THSD7A: variants seen among roughly 807,000 people sequenced by gnomAD.
The protein encoded by THSD7A is thrombospondin type-1 domain-containing protein 7A.
Under a neutral mutation model 231.3 loss-of-function variants are expected in THSD7A, and 96 were observed. That is an observed-to-expected ratio of 0.41 (90% CI 0.35 to 0.49). THSD7A has a LOEUF of 0.49. Ranked by LOEUF, THSD7A falls within the 20% of genes least tolerant of loss-of-function variation. The probability of loss-of-function intolerance (pLI) is 0.05; values close to 1 mark genes in which losing one functional copy is unlikely to be tolerated. For synonymous variants in THSD7A, 940 were observed against 743.3 expected (o/e 1.26, Z -4.30); for missense variants, 2,290 against 2,070.2 (o/e 1.11, Z -2.06).
intron 6 of THSD7A, among the ~76,000 whole-genome samples, chr7:11,507,049 A>G (rs1787575087): frequency 6.6e-6 from 1 of 152,194 alleles, no homozygotes; most frequent in Non-Finnish European, 1.5e-5. Flanking sequence ...AGTTCCTGAC[A>G]CACAGAACAT....
chr7:11,733,276 G>A (rs747548033), intron 1 of THSD7A, among the ~76,000 whole-genome samples: 10 of 151,668 alleles, frequency 6.6e-5, no homozygotes, highest in East Asian at 1.9e-4. Flanking sequence ...GTCAGTAACA[G>A]CCCTGTTGTT....
At chr7:11,650,276 A>T (rs1287354920) in intron 1 of THSD7A, among the ~76,000 whole-genome samples, 8 of 152,056 alleles carry the variant, frequency 5.3e-5, no homozygotes, top group Admixed American at 5.2e-4. Flanking sequence ...TTGGTTGAAC[A>T]GGAATATAAT....
At chr7:11,496,100 T>C (rs1454246386) in intron 6 of THSD7A, among the ~76,000 whole-genome samples, 1 of 152,196 alleles carries the variant, frequency 6.6e-6, no homozygotes, top group Non-Finnish European at 1.5e-5. Flanking sequence ...CTGAAAGTCA[T>C]GAACATAAAA....
intron 13 of THSD7A, among the ~76,000 whole-genome samples, chr7:11,439,958 G>A (rs1784752260): frequency 6.6e-6 from 1 of 151,942 alleles, no homozygotes; most frequent in Admixed American, 6.6e-5. Flanking sequence ...CAACATCTGG[G>A]ACTTTCATAG....
At chr7:11,721,296 G>A (rs758300326) in intron 1 of THSD7A, among the ~76,000 whole-genome samples, 3 of 151,756 alleles carry the variant, frequency 2.0e-5, no homozygotes, top group Non-Finnish European at 2.9e-5. Flanking sequence ...GGTGGCTGGT[G>A]GAAGGTGATT....
At chr7:11,818,996 A>G (rs1409214906) in intron 1 of THSD7A, among the ~76,000 whole-genome samples, 7 of 152,176 alleles carry the variant, frequency 4.6e-5, no homozygotes. Context: ...AGAGTTGGCT[A>G]CCTACTCTTG....
rs199635710 is a variant in THSD7A at position 11,447,274 on chromosome 7, T to C, written c.2756A>G (p.Asn919Ser). ...GGTCCTAACTGCACCACAGTCTCCA[T>C]TGCATGAAGAAAACTTGGACCAGCT... Reference protein sequence around the residue: ...LTSWSKFSSCNGDCGAVRTRK... With the variant: ...LTSWSKFSSCSGDCGAVRTRK... The change falls in exon 12 of 28, where the codon AAT becomes AGT. Residue 919 changes from asparagine (N) to serine (S), a missense_variant. Coordinates refer to ENST00000423059, the MANE Select transcript of THSD7A (RefSeq NM_015204.3). 39 of 1,612,940 alleles carry C rather than the reference T, an allele frequency of 2.4e-5. No individual in the cohort carries two copies. The highest frequency in any genetic ancestry group is 2.2e-4 in the Admixed American group (13 of 59,834).
At chr7:11,555,495 T>G (rs944108913) in intron 4 of THSD7A, among the ~76,000 whole-genome samples, 6 of 151,908 alleles carry the variant, frequency 3.9e-5, no homozygotes, top group African/African-American at 1.4e-4. Flanking sequence ...ACATGGTCTA[T>G]TTTGGTATAT....
rs1491585856 is a variant in THSD7A at position 11,512,943 on chromosome 7, A to ATATATATATATATATG, written c.1822+28475_1822+28476insCATATATATATATATA. On this transcript the variant is annotated intron_variant, in intron 6 of 27. Coordinates refer to ENST00000423059, the MANE Select transcript of THSD7A (RefSeq NM_015204.3). ...AAAGTATAATAAAAAAGAAACTATG[A>ATATATATATATATATG]TATATATATATATATATGTAAAATA... is the stretch of plus-strand genomic sequence containing the variant. 8.6e-4 allele frequency among the ~76,000 whole-genome samples: 40 copies of ATATATATATATATATG among 46,752 alleles called. No homozygotes were observed. In the South Asian group the frequency reaches 0.024, roughly 28 times the overall value. The allele number at this position is 46,752 out of a possible 152,430, so 30.7% of individuals were successfully genotyped here.
chr7:11,820,481 C>A (rs1477057725), intron 1 of THSD7A: 2 of 1,057,200 alleles, frequency 1.9e-6, no homozygotes, highest in Non-Finnish European at 1.3e-6. Context: ...GGTCATCATG[C>A]AAGTAATACT....
chr7:11,670,806 T>C (rs929601186), intron 1 of THSD7A, among the ~76,000 whole-genome samples: 2 of 152,096 alleles, frequency 1.3e-5, no homozygotes, highest in East Asian at 3.9e-4. Flanking sequence ...ATTAATCTAA[T>C]AAAAAAACAG....
intron 6 of THSD7A, among the ~76,000 whole-genome samples, chr7:11,534,344 T>C (rs739758): frequency 0.083 from 12,585 of 152,204 alleles, 804 homozygotes; most frequent in East Asian, 0.18. Flanking sequence ...CGAAGTGATA[T>C]TGTGTGAGTT....
At chr7:11,551,408 T>A (rs968884342) in intron 4 of THSD7A, among the ~76,000 whole-genome samples, 3 of 152,050 alleles carry the variant, frequency 2.0e-5, no homozygotes, top group African/African-American at 4.8e-5. Flanking sequence ...AGTAAACAGA[T>A]AACTTACAAA....
rs1176567010 is a variant in THSD7A, at chr7:11,416,863, GA to G, written c.3537+586del. Among the ~76,000 whole-genome samples, 4 of 152,240 alleles carry G rather than the reference GA, an allele frequency of 2.6e-5. No individual in the cohort carries two copies. In the East Asian group the frequency reaches 7.7e-4, roughly 29 times the overall value. On this transcript the variant is annotated intron_variant, in intron 17 of 27. Coordinates refer to ENST00000423059, the MANE Select transcript of THSD7A (RefSeq NM_015204.3). Reference sequence around the variant, plus strand: ...GAAATATAGAAGCTTTGTGTGATTTGAAACTCTCAGCTGGCTTTCCAGGCCC... The same window carrying G: ...GAAATATAGAAGCTTTGTGTGATTTGAACTCTCAGCTGGCTTTCCAGGCCC...
chr7:11,512,942 G>GATATATATATATATATATATATATAT (rs59121982), intron 6 of THSD7A, among the ~76,000 whole-genome samples: 1,460 of 101,392 alleles, frequency 0.014, 88 homozygotes, highest in African/African-American at 0.017. Flanking sequence ...AAGAAACTAT[G>GATATATATATATATATATATATATAT]ATATATATAT....
At chr7:11,497,502 C>G (rs1204845913) in intron 6 of THSD7A, among the ~76,000 whole-genome samples, 1 of 152,124 alleles carries the variant, frequency 6.6e-6, no homozygotes, top group Non-Finnish European at 1.5e-5. Context: ...TCAAACAAAG[C>G]CAATTACCAA....
Position 11,379,446 on chromosome 7 carries a change from A to G in THSD7A, c.4591-166T>C, listed in dbSNP as rs765885870. On this transcript the variant is annotated intron_variant, in intron 25 of 27. Coordinates refer to ENST00000423059, the MANE Select transcript of THSD7A (RefSeq NM_015204.3). ...AGAAACATACTTTTGGCATTATATG[A>G]AAATGTATTCTAAAGGTGAAAGCAA... The G allele has an allele frequency of 3.2e-4, 281 of 869,894 alleles. 2 individuals are homozygous for G. Among genetic ancestry groups the G allele is most frequent in the Middle Eastern group, 2.9e-3 (12 of 4,068 alleles). 53.9% of individuals were successfully genotyped at this position (869,894 alleles called of 1,614,324 possible). A position where few individuals can be genotyped will look rare whatever the true frequency, so the allele number is the denominator to read the frequency against.
chr7:11,643,611 A>ACT (rs1166316903), intron 1 of THSD7A, among the ~76,000 whole-genome samples: 2 of 151,530 alleles, frequency 1.3e-5, no homozygotes, highest in African/African-American at 2.4e-5. Flanking sequence ...GCGCACACAC[A>ACT]CACACACACA....
rs747830396 is a variant in THSD7A at position 11,637,139 on chromosome 7, G to A, written c.191-178C>T. 4.6e-5 allele frequency among the ~76,000 whole-genome samples: 7 copies of A among 152,138 alleles called. No homozygotes were observed. Among genetic ancestry groups the A allele is most frequent in the Non-Finnish European group, 1.0e-4 (7 of 68,024 alleles). ...TCCTCGCTAAGTATTTTTGCAAAAG[G>A]GGAACTGTGTCACAGAGTCTATATA... is the stretch of plus-strand genomic sequence containing the variant. On this transcript the variant is annotated intron_variant, in intron 1 of 27. Transcript: ENST00000423059. The surrounding 1 kb of genome is among the most constrained non-coding windows in gnomAD (Gnocchi z 4.2).
Sources: allele counts gnomAD v4.1 joint callset (sites outside exome capture counted in the v4.1 genomes callset), GRCh38; gene constraint gnomAD v4.1.1; non-coding constraint Gnocchi (gnomAD v3.1); transcripts MANE v1.5; gene names NCBI Gene and HGNC (gene_info 2026-07-23, HGNC 2026-07-21).